Variants in STXBP5L observed in about 807,000 individuals in gnomAD.
STXBP5L encodes the protein syntaxin-binding protein 5-like.
STXBP5L carries 65 observed loss-of-function variants against 144.5 expected under a neutral mutation model. That is an observed-to-expected ratio of 0.45 (90% CI 0.37 to 0.55). The LOEUF is 0.55. Among genes scored for constraint, STXBP5L ranks in the 20% least tolerant of loss-of-function variants. STXBP5L has a pLI of 0.00. For synonymous variants in STXBP5L, 505 were observed against 469.6 expected, an observed-to-expected ratio of 1.08 and a Z score of -0.97; for missense variants, 1,298 against 1,405.5, an observed-to-expected ratio of 0.92 and a Z score of 1.22.
intron 20 of STXBP5L, among the ~76,000 whole-genome samples, chr3:121,337,801 G>T (rs1033671732): frequency 6.6e-6 from 1 of 152,018 alleles, no homozygotes; most frequent in Admixed American, 6.6e-5. Context: ...CAGACCATAT[G>T]ATAGTCCACA....
intron 2 of STXBP5L, among the ~76,000 whole-genome samples, chr3:120,947,205 A>C (rs1202003206): frequency 1.3e-5 from 2 of 151,756 alleles, no homozygotes; most frequent in Non-Finnish European, 2.9e-5. Flanking sequence ...ACTGAGCATA[A>C]ATTATAATAT....
chr3:121,166,219 T>A (rs2046493544), intron 9 of STXBP5L, among the ~76,000 whole-genome samples: 1 of 152,098 alleles, frequency 6.6e-6, no homozygotes, highest in African/African-American at 2.4e-5. Context: ...TTGCCTGGGC[T>A]GGTCTCAAAT....
intron 20 of STXBP5L, among the ~76,000 whole-genome samples, chr3:121,369,460 A>G (rs1373622104): frequency 2.0e-5 from 3 of 151,848 alleles, no homozygotes; most frequent in Non-Finnish European, 4.4e-5. Flanking sequence ...CTGAAATTCT[A>G]AAGATGATTA....
chr3:121,047,167 G>A (rs570750983), intron 5 of STXBP5L, among the ~76,000 whole-genome samples: 6 of 152,140 alleles, frequency 3.9e-5, no homozygotes, highest in African/African-American at 7.2e-5. Context: ...GGTTTTGAGC[G>A]ATTTTCTTAG....
intron 5 of STXBP5L, among the ~76,000 whole-genome samples, chr3:121,059,539 G>T (rs1381114361): frequency 2.0e-5 from 3 of 152,110 alleles, no homozygotes; most frequent in Non-Finnish European, 4.4e-5. Flanking sequence ...GATGGGGATA[G>T]CATTGAATCT....
intron 19 of STXBP5L, among the ~76,000 whole-genome samples, chr3:121,286,347 G>T (rs2051232866): frequency 6.6e-6 from 1 of 152,088 alleles, no homozygotes; most frequent in African/African-American, 2.4e-5. Flanking sequence ...AAAAATTAAA[G>T]AAGAAATGCT....
At chr3:121,136,614 T>C (rs1437029307) in intron 7 of STXBP5L, among the ~76,000 whole-genome samples, 2 of 152,210 alleles carry the variant, frequency 1.3e-5, no homozygotes, top group Non-Finnish European at 2.9e-5. Context: ...AGGTAACACT[T>C]GTACACTGCT....
At chr3:121,414,477 C>A (rs2047188391) in intron 24 of STXBP5L, among the ~76,000 whole-genome samples, 1 of 152,174 alleles carries the variant, frequency 6.6e-6, no homozygotes, top group Non-Finnish European at 1.5e-5. Flanking sequence ...GAGACAAATG[C>A]CCAATTCTAA....
At chr3:121,415,149 CCT>C (rs551541027) in intron 24 of STXBP5L, among the ~76,000 whole-genome samples, 206 of 152,234 alleles carry the variant, frequency 1.4e-3, no homozygotes, top group Admixed American at 2.2e-3. Context: ...AGTCTAAGTT[CCT>C]TTCTCCACAC....
At chr3:121,239,452 A>G (rs189433307) in intron 13 of STXBP5L, among the ~76,000 whole-genome samples, 9 of 151,208 alleles carry the variant, frequency 6.0e-5, no homozygotes, top group South Asian at 4.2e-4. Context: ...AGATGAAAAA[A>G]TATGTTTAAA....
chr3:121,289,241 T>C (rs2051335315), intron 19 of STXBP5L, among the ~76,000 whole-genome samples: 1 of 151,972 alleles, frequency 6.6e-6, no homozygotes, highest in South Asian at 2.1e-4. Flanking sequence ...AAAGCAACAA[T>C]ATTTAAGAAA....
chr3:121,094,992 TG>T (rs1444630131), intron 5 of STXBP5L, among the ~76,000 whole-genome samples: 1 of 152,174 alleles, frequency 6.6e-6, no homozygotes, highest in Non-Finnish European at 1.5e-5. Flanking sequence ...TCTCAGCATT[TG>T]CTTGTCTGTA....
chr3:121,264,824 A>AT (rs1553753469), intron 18 of STXBP5L, among the ~76,000 whole-genome samples: 1 of 146,832 alleles, frequency 6.8e-6, no homozygotes, highest in Non-Finnish European at 1.5e-5. Context: ...AAAAAAAAAG[A>AT]TTGCAATCTT....
At chr3:121,353,573 T>C (rs1489826873) in intron 20 of STXBP5L, among the ~76,000 whole-genome samples, 1 of 152,188 alleles carries the variant, frequency 6.6e-6, no homozygotes, top group Non-Finnish European at 1.5e-5. Context: ...TCTTCTCTCT[T>C]TTCTTCTGTA....
chr3:120,909,230 T>C (rs1708699247), intron 1 of STXBP5L: 1 of 234,916 alleles, frequency 4.3e-6, no homozygotes, highest in Non-Finnish European at 8.2e-6. Flanking sequence ...ATAATGATGA[T>C]ATAATGCTAA....
intron 3 of STXBP5L, among the ~76,000 whole-genome samples, chr3:121,009,559 C>T (rs1321640725): frequency 6.6e-6 from 1 of 151,914 alleles, no homozygotes; most frequent in African/African-American, 2.4e-5. Flanking sequence ...GGAGAGGACC[C>T]ATTTATTTAA....
chr3:121,202,714 A>C (rs1293535818), intron 9 of STXBP5L, among the ~76,000 whole-genome samples: 1 of 152,064 alleles, frequency 6.6e-6, no homozygotes, highest in Non-Finnish European at 1.5e-5. Context: ...ACTATTTTAA[A>C]TATGTCATAT....
intron 20 of STXBP5L, among the ~76,000 whole-genome samples, chr3:121,365,432 G>A (rs1400250945): frequency 7.0e-6 from 1 of 142,634 alleles, no homozygotes. Flanking sequence ...ATTTTTTTTT[G>A]TTACTGATTA....
chr3:121,174,057 G>A (rs1424244274), intron 9 of STXBP5L, among the ~76,000 whole-genome samples: 3 of 152,084 alleles, frequency 2.0e-5, no homozygotes, highest in Non-Finnish European at 2.9e-5. Flanking sequence ...GGCATTTTAA[G>A]CAGATATTTG....
Sources: allele counts gnomAD v4.1 joint callset (sites outside exome capture counted in the v4.1 genomes callset), GRCh38; gene constraint gnomAD v4.1.1; transcripts MANE v1.5; gene names NCBI Gene and HGNC (gene_info 2026-07-23, HGNC 2026-07-21).